Variants in WWOX observed in about 807,000 individuals in gnomAD.
The protein encoded by WWOX is WW domain containing oxidoreductase.
WWOX carries 69 observed loss-of-function variants against 46.2 expected under a neutral mutation model. That is an observed-to-expected ratio of 1.49 (90% CI 1.23 to 1.82). WWOX has a LOEUF of 1.82. Among genes scored for constraint, WWOX ranks in the 40% most tolerant of loss-of-function variants. The pLI is 0.00. For synonymous variants in WWOX, 359 were observed against 202.6 expected, an observed-to-expected ratio of 1.77 and a Z score of -6.56; for missense variants, 919 against 542.6, an observed-to-expected ratio of 1.69 and a Z score of -6.89.
At chr16:78,662,985 C>T (rs1057057913) in intron 8 of WWOX, among the ~76,000 whole-genome samples, 23 of 152,240 alleles carry the variant, frequency 1.5e-4, no homozygotes, top group South Asian at 2.1e-4. Flanking sequence ...CACATCCTAT[C>T]GCTTTGGTTT....
chr16:78,380,434 C>T (rs532122442), intron 5 of WWOX, among the ~76,000 whole-genome samples: 5 of 152,226 alleles, frequency 3.3e-5, no homozygotes, highest in Admixed American at 6.5e-5. Flanking sequence ...TAAATAACTG[C>T]TGTGGGGCAA....
intron 8 of WWOX, among the ~76,000 whole-genome samples, chr16:78,950,712 T>C (rs971167073): frequency 3.3e-5 from 5 of 152,228 alleles, no homozygotes; most frequent in Non-Finnish European, 7.3e-5. Flanking sequence ...TAATGGTTTC[T>C]CTTAGACACT....
intron 4 of WWOX, among the ~76,000 whole-genome samples, chr16:78,161,085 C>G (rs553556324): frequency 1.2e-4 from 18 of 152,022 alleles, no homozygotes; most frequent in African/African-American, 3.9e-4. Flanking sequence ...GAAATTAGTA[C>G]AGCTATATCA....
At chr16:78,867,112 A>G (rs1177358236) in intron 8 of WWOX, among the ~76,000 whole-genome samples, 3 of 152,148 alleles carry the variant, frequency 2.0e-5, no homozygotes, top group Non-Finnish European at 4.4e-5. Flanking sequence ...TTAGCTCACT[A>G]AAAGTGGTTA....
chr16:79,100,920 G>A (rs1032928248), intron 8 of WWOX, among the ~76,000 whole-genome samples: 1 of 151,854 alleles, frequency 6.6e-6, no homozygotes, highest in Non-Finnish European at 1.5e-5. Context: ...CACCCAACGG[G>A]GTTTTCTCCA....
rs187106601 is a variant in WWOX, at chr16:78,634,260, C to G, written c.1056+201508C>G. 1.4e-4 allele frequency among the ~76,000 whole-genome samples: 22 copies of G among 152,292 alleles called. No individual in the cohort carries two copies. The East Asian group carries it at 2.1e-3, about 15-fold the overall frequency. The stretch of plus-strand genomic sequence containing the variant: ...AGCAGGCAGTTAGTTAAGTGTATGA[C>G]AAGTATCTCATTATAAATGGATGCT... On this transcript the variant is annotated intron_variant, in intron 8 of 8. Transcript: ENST00000566780.
chr16:78,174,395 G>A (rs533218862), intron 5 of WWOX, among the ~76,000 whole-genome samples: 1 of 152,068 alleles, frequency 6.6e-6, no homozygotes, highest in Non-Finnish European at 1.5e-5. Flanking sequence ...ACCTCCCCCC[G>A]GGTCCCTCCC....
chr16:78,241,192 AC>A (rs2037634229), intron 5 of WWOX: 1 of 152,082 alleles, frequency 6.6e-6, no homozygotes. Flanking sequence ...CATGATACTT[AC>A]CCACCTGTTC....
intron 7 of WWOX, among the ~76,000 whole-genome samples, chr16:78,431,713 A>C (rs1431189506): frequency 6.9e-6 from 1 of 145,776 alleles, no homozygotes; most frequent in African/African-American, 2.6e-5. Flanking sequence ...TTAATTTTTA[A>C]ATTTTAAATT....
At chr16:78,998,883 G>A (rs938093432) in intron 8 of WWOX, among the ~76,000 whole-genome samples, 2 of 152,164 alleles carry the variant, frequency 1.3e-5, no homozygotes, top group African/African-American at 4.8e-5. Flanking sequence ...GCCTGGCAGG[G>A]GCGGTGTCCG....
intron 8 of WWOX, among the ~76,000 whole-genome samples, chr16:78,564,252 A>G (rs1348674977): frequency 1.3e-5 from 2 of 152,226 alleles, no homozygotes; most frequent in Non-Finnish European, 2.9e-5. Context: ...AATGGAGACA[A>G]TACTTTTGAA....
intron 8 of WWOX, among the ~76,000 whole-genome samples, chr16:78,843,817 C>A (rs1164705458): frequency 2.0e-5 from 3 of 152,164 alleles, no homozygotes; most frequent in Non-Finnish European, 4.4e-5. Context: ...GATTTACTAA[C>A]CTTCAGCACA....
intron 8 of WWOX, among the ~76,000 whole-genome samples, chr16:78,439,283 T>G: frequency 6.6e-6 from 1 of 152,210 alleles, no homozygotes; most frequent in East Asian, 1.9e-4. Context: ...GCCTTTCTCT[T>G]GCCAGTCCAG....
chr16:78,749,765 C>T (rs1457863597), intron 8 of WWOX, among the ~76,000 whole-genome samples: 1 of 152,168 alleles, frequency 6.6e-6, no homozygotes, highest in African/African-American at 2.4e-5. Context: ...GTTCAAATCT[C>T]GAGTTACCTG....
intron 7 of WWOX, among the ~76,000 whole-genome samples, chr16:78,427,390 A>C (rs2083107630): frequency 6.6e-6 from 1 of 152,150 alleles, no homozygotes; most frequent in Non-Finnish European, 1.5e-5. Flanking sequence ...TGAGAAGTTG[A>C]CTTCTTTGCT....
intron 8 of WWOX, among the ~76,000 whole-genome samples, chr16:79,137,870 A>G (rs1372841661): frequency 1.3e-5 from 2 of 152,144 alleles, no homozygotes; most frequent in African/African-American, 4.8e-5. Flanking sequence ...GCCTCCACAA[A>G]CACAAGACCA....
chr16:78,674,583 C>T (rs543793336), intron 8 of WWOX, among the ~76,000 whole-genome samples: 1 of 152,144 alleles, frequency 6.6e-6, no homozygotes, highest in Non-Finnish European at 1.5e-5. Context: ...CAGCACCCAG[C>T]CAGAACTTCA....
intron 8 of WWOX, among the ~76,000 whole-genome samples, chr16:78,936,317 C>T (rs1597174512): frequency 6.6e-6 from 1 of 152,150 alleles, no homozygotes; most frequent in African/African-American, 2.4e-5. Flanking sequence ...TGGTCCATCC[C>T]AAGCGAGTTT....
At position 79,211,631 on chromosome 16, in the gene WWOX, G is replaced by A; in HGVS notation, c.1080G>A (p.Val360=). ...KSMQQGAATT[V]YCAAVPELEG... is the part of the protein sequence containing the mutation. ...AGCAACAGGGAGCTGCCACCACCGTGTACTGTGCTGCTGTCCCAGAACTGG... is the reference window on the plus strand; with the variant it reads ...AGCAACAGGGAGCTGCCACCACCGTATACTGTGCTGCTGTCCCAGAACTGG... Residue 360 remains valine, a synonymous_variant, in exon 9 of 9, where the codon GTG becomes GTA. Coordinates refer to ENST00000566780, the MANE Select transcript of WWOX (RefSeq NM_016373.4). 3.1e-6 allele frequency: 5 copies of A among 1,614,178 alleles called. No homozygotes were observed. The highest frequency in any genetic ancestry group is 1.3e-5 in the African/African-American group (1 of 75,050).
Sources: allele counts gnomAD v4.1 joint callset (sites outside exome capture counted in the v4.1 genomes callset), GRCh38; gene constraint gnomAD v4.1.1; transcripts MANE v1.5; gene names NCBI Gene and HGNC (gene_info 2026-07-23, HGNC 2026-07-21).